NELL1: variants seen among roughly 807,000 people sequenced by gnomAD.
NELL1 encodes protein kinase C-binding protein NELL1.
A neutral mutation model predicts 107.4 loss-of-function variants in NELL1; 76 were observed. The observed-to-expected ratio is 0.71, with a 90% CI of 0.59 to 0.86. The LOEUF (loss-of-function observed/expected upper bound fraction) is 0.86, where lower values mean the gene tolerates loss of function less well. Among genes scored for constraint, NELL1 ranks in the 40% least tolerant of loss-of-function variants. The pLI, the probability that NELL1 is intolerant of heterozygous loss-of-function variation, is 0.00. For missense variants in NELL1, 1,024 were observed against 1,005.5 expected, an observed-to-expected ratio of 1.02 and a Z score of -0.25; for synonymous variants, 353 against 341.2, an observed-to-expected ratio of 1.03 and a Z score of -0.38.
Position 21,560,178 on chromosome 11 carries a change from C to T in NELL1, c.1787-11C>T. 5 of 1,613,052 alleles carry T rather than the reference C, an allele frequency of 3.1e-6. No homozygotes were observed. The highest frequency in any genetic ancestry group is 4.2e-6 in the Non-Finnish European group (5 of 1,179,230). ...GCTAGATTCTAAGCTTCTGTGCTTC[C>T]TATATTGCAGACATTGATGAATGTG... On this transcript the variant is annotated splice_polypyrimidine_tract_variant and intron_variant, in intron 16 of 19. Coordinates refer to ENST00000357134, the MANE Select transcript of NELL1 (RefSeq NM_006157.5).
intron 14 of NELL1, among the ~76,000 whole-genome samples, chr11:21,355,864 A>G (rs1233535113): frequency 6.6e-6 from 1 of 152,158 alleles, no homozygotes; most frequent in African/African-American, 2.4e-5. Context: ...TGACTTGTAC[A>G]GGCAGTATTG....
chr11:21,137,312 GT>G (rs1855765236), intron 13 of NELL1, among the ~76,000 whole-genome samples: 1 of 152,196 alleles, frequency 6.6e-6, no homozygotes, highest in African/African-American at 2.4e-5. Flanking sequence ...AGTAGTAAAA[GT>G]GGCAATAAAA....
chr11:20,948,536 T>C (rs1005339400), intron 11 of NELL1, among the ~76,000 whole-genome samples: 11 of 152,104 alleles, frequency 7.2e-5, no homozygotes, highest in Non-Finnish European at 8.8e-5. Context: ...CAATAGTTTA[T>C]TGTTAAGTAT....
At chr11:21,250,557 A>C (rs1590772666) in intron 14 of NELL1, among the ~76,000 whole-genome samples, 3 of 152,328 alleles carry the variant, frequency 2.0e-5, no homozygotes, top group Non-Finnish European at 1.5e-5. Flanking sequence ...TAGATAGATA[A>C]GGAAAGTTGT....
chr11:21,064,395 A>G (rs897180314), intron 12 of NELL1, among the ~76,000 whole-genome samples: 1 of 152,214 alleles, frequency 6.6e-6, no homozygotes, highest in Non-Finnish European at 1.5e-5. Flanking sequence ...ATAGTAGTTC[A>G]GAACAGGGTG....
chr11:21,475,322 T>C (rs1464009386), intron 15 of NELL1, among the ~76,000 whole-genome samples: 4 of 152,200 alleles, frequency 2.6e-5, no homozygotes, highest in Non-Finnish European at 4.4e-5. Flanking sequence ...ATGTTATTTA[T>C]GTGCCACATG....
chr11:20,687,660 C>G (rs1854341002), intron 2 of NELL1, among the ~76,000 whole-genome samples: 1 of 151,642 alleles, frequency 6.6e-6, no homozygotes, highest in Non-Finnish European at 1.5e-5. Flanking sequence ...GGCACAGTCT[C>G]TGCTCACTGC....
intron 4 of NELL1, among the ~76,000 whole-genome samples, chr11:20,877,015 G>T (rs1163512157): frequency 1.3e-5 from 2 of 152,144 alleles, no homozygotes; most frequent in Non-Finnish European, 2.9e-5. Context: ...AGAGGGGAAA[G>T]GGTCTGTTAT....
At chr11:21,417,128 A>G (rs10766802) in intron 15 of NELL1, among the ~76,000 whole-genome samples, 89,372 of 151,786 alleles carry the variant, frequency 0.59, 26,639 homozygotes, top group East Asian at 0.81. Context: ...AGGACTTAGC[A>G]CAGGACCTAG....
chr11:21,512,961 A>G (rs1336538326), intron 15 of NELL1, among the ~76,000 whole-genome samples: 1 of 152,190 alleles, frequency 6.6e-6, no homozygotes, highest in Non-Finnish European at 1.5e-5. Context: ...TGAAAAATAC[A>G]TTTGACCATT....
chr11:21,266,219 A>C (rs77552300), intron 14 of NELL1, among the ~76,000 whole-genome samples: 2,441 of 152,034 alleles, frequency 0.016, 80 homozygotes, highest in African/African-American at 0.056. Flanking sequence ...CTTAGAATGT[A>C]ACCTCTGTGA....
chr11:20,691,962 T>G (rs1027580470), intron 2 of NELL1, among the ~76,000 whole-genome samples: 32 of 152,138 alleles, frequency 2.1e-4, no homozygotes, highest in Non-Finnish European at 3.4e-4. Flanking sequence ...CAATTTCAGA[T>G]CCTGTTATTG....
intron 14 of NELL1, among the ~76,000 whole-genome samples, chr11:21,318,765 A>AT (rs967244253): frequency 2.6e-5 from 4 of 151,750 alleles, no homozygotes; most frequent in Non-Finnish European, 5.9e-5. Flanking sequence ...CTAATAAGAC[A>AT]TTTTTTCTTT....
At chr11:21,406,317 CTG>C (rs1327009765) in intron 15 of NELL1, among the ~76,000 whole-genome samples, 1 of 151,878 alleles carries the variant, frequency 6.6e-6, no homozygotes, top group Non-Finnish European at 1.5e-5. Flanking sequence ...ATTAATCATA[CTG>C]TCTCTTGAAT....
chr11:20,760,697 GAAATAA>G (rs1856400246), intron 2 of NELL1, among the ~76,000 whole-genome samples: 2 of 152,230 alleles, frequency 1.3e-5, no homozygotes, highest in African/African-American at 4.8e-5. Context: ...GGGATTCTTT[GAAATAA>G]AAATAAGATT....
At chr11:20,954,010 G>C (rs1379835384) in intron 11 of NELL1, among the ~76,000 whole-genome samples, 1 of 152,186 alleles carries the variant, frequency 6.6e-6, no homozygotes, top group African/African-American at 2.4e-5. Flanking sequence ...GAGGACAGTG[G>C]AAGAGGACAG....
chr11:21,513,981 A>G (rs1263044245), intron 15 of NELL1, among the ~76,000 whole-genome samples: 1 of 152,170 alleles, frequency 6.6e-6, no homozygotes, highest in East Asian at 1.9e-4. Context: ...CAATGCTGGT[A>G]TTGAAATATT....
At chr11:20,995,239 A>G (rs993830149) in intron 12 of NELL1, among the ~76,000 whole-genome samples, 16 of 152,106 alleles carry the variant, frequency 1.1e-4, no homozygotes, top group Non-Finnish European at 2.4e-4. Flanking sequence ...TTAATAGTTA[A>G]CTAATTTTAG....
Position 20,915,717 on chromosome 11 carries a change from A to ATATATATATATATTTTTTTTTT in NELL1, c.604-2464_604-2463insATATATATATATTTTTTTTTTT. Among the ~76,000 whole-genome samples, 44 of 58,208 alleles carry ATATATATATATATTTTTTTTTT rather than the reference A, an allele frequency of 7.6e-4. 1 individual carries two copies. Among genetic ancestry groups the ATATATATATATATTTTTTTTTT allele is most frequent in the African/African-American group, 3.4e-3 (38 of 11,316 alleles). The allele number at this position is 58,208 out of a possible 152,430, so 38.2% of individuals were successfully genotyped here. ...TCATAGATGATATATATATATATAT[A>ATATATATATATATTTTTTTTTT]TTTTTTTTTTTTTTTTTTGAGAGGA... On this transcript the variant is annotated intron_variant, in intron 5 of 19. Transcript: ENST00000357134.
Sources: allele counts gnomAD v4.1 joint callset (sites outside exome capture counted in the v4.1 genomes callset), GRCh38; gene constraint gnomAD v4.1.1; transcripts MANE v1.5; gene names NCBI Gene and HGNC (gene_info 2026-07-23, HGNC 2026-07-21).